The following ESYT3 variants were observed in gnomAD, a reference collection of about 807,000 sequenced individuals.
ESYT3 encodes extended synaptotagmin-3.
Under a neutral mutation model 111.5 loss-of-function variants are expected in ESYT3, and 101 were observed. The ratio of observed to expected loss-of-function variants is 0.91; its 90% CI spans 0.77 to 1.07. The LOEUF (loss-of-function observed/expected upper bound fraction) is 1.07, where lower values mean the gene tolerates loss of function less well. Ranked by LOEUF, ESYT3 falls within the 50% of genes least tolerant of loss-of-function variation. The pLI, the probability that ESYT3 is intolerant of heterozygous loss-of-function variation, is 0.00. For missense variants in ESYT3, 1,097 were observed against 1,109.4 expected, an observed-to-expected ratio of 0.99 and a Z score of 0.16; for synonymous variants, 416 against 446.8, an observed-to-expected ratio of 0.93 and a Z score of 0.87.
At chr3:138,442,859 T>C (rs1421933204) in intron 1 of ESYT3, among the ~76,000 whole-genome samples, 3 of 152,230 alleles carry the variant, frequency 2.0e-5, no homozygotes, top group Non-Finnish European at 4.4e-5. Flanking sequence ...TTTATGAAGA[T>C]TTTTAAAGAC....
At chr3:138,448,914 CTT>C (rs1214912598) in intron 1 of ESYT3, among the ~76,000 whole-genome samples, 1 of 151,926 alleles carries the variant, frequency 6.6e-6, no homozygotes, top group Admixed American at 6.6e-5. Context: ...ATTGAGGTCT[CTT>C]ATTTTCTTGG....
chr3:138,472,321 G>A (rs2033260547), intron 17 of ESYT3, 42 bp from the exon 18 acceptor site: 1 of 1,588,214 alleles, frequency 6.3e-7, no homozygotes, highest in Non-Finnish European at 8.6e-7. Context: ...GGTTGTGGAA[G>A]TGGTGACTCA....
chr3:138,469,314 C>G, intron 14 of ESYT3, 122 bp from the exon 15 acceptor site: 1 of 839,744 alleles, frequency 1.2e-6, no homozygotes, highest in South Asian at 1.6e-5. Flanking sequence ...GTAGCTTTCT[C>G]TCAAAGAGAA....
chr3:138,445,672 G>A (rs1004949231), intron 1 of ESYT3, among the ~76,000 whole-genome samples: 1 of 152,154 alleles, frequency 6.6e-6, no homozygotes, highest in Non-Finnish European at 1.5e-5. Context: ...ACGTACTTGA[G>A]GTCAGAGGGG....
chr3:138,471,158 A>G (rs923677733), intron 17 of ESYT3, 132 bp downstream of exon 17: 15 of 713,088 alleles, frequency 2.1e-5, no homozygotes, highest in Middle Eastern at 4.0e-4. Flanking sequence ...TTTTTCATCA[A>G]TTTTGAAATA....
chr3:138,473,424 A>G (rs1163546999), intron 18 of ESYT3, 112 bp from the exon 19 acceptor site: 24 of 884,676 alleles, frequency 2.7e-5, no homozygotes, highest in Non-Finnish European at 3.9e-5. Context: ...GTGAATTATT[A>G]TCCTACATGG....
chr3:138,438,206 C>T (rs538258896), intron 1 of ESYT3, among the ~76,000 whole-genome samples: 24 of 152,244 alleles, frequency 1.6e-4, no homozygotes, highest in Admixed American at 9.2e-4. Context: ...GATTTCTCTG[C>T]GTGAAAGAGA....
intron 1 of ESYT3, among the ~76,000 whole-genome samples, chr3:138,446,489 A>C (rs1194800816): frequency 6.6e-6 from 1 of 152,240 alleles, no homozygotes; most frequent in African/African-American, 2.4e-5. Context: ...GAAAATATGC[A>C]ACTGGCCAAG....
chr3:138,452,050 C>G lies in ESYT3; in HGVS notation c.330C>G (p.Ile110Met), dbSNP rs772174246. ...ELRGQHLPAW[I>M]HFPDVERVEW... Reference sequence around the variant, plus strand: ...TCCCCTCGGGGCTTCTTTCCTAGATCCACTTCCCGGACGTGGAGCGGGTCG... The same window carrying G: ...TCCCCTCGGGGCTTCTTTCCTAGATGCACTTCCCGGACGTGGAGCGGGTCG... The change falls in exon 2 of 23, where the codon ATC (isoleucine) becomes ATG (methionine). Residue 110 changes from isoleucine to methionine, a missense_variant and splice_region_variant. Ile to Met is a conservative substitution (Grantham distance 10, BLOSUM62 1). Transcript: ENST00000389567. The G allele has an allele frequency of 6.2e-7, 1 of 1,613,534 alleles. No individual in the cohort carries two copies. Among genetic ancestry groups the G allele is most frequent in the Admixed American group, 1.7e-5 (1 of 60,012 alleles).
chr3:138,474,170 G>A (rs771148407), intron 19 of ESYT3, 51 bp from the exon 20 acceptor site: 1 of 1,581,938 alleles, frequency 6.3e-7, no homozygotes, highest in East Asian at 2.2e-5. Context: ...TTCAGTGTTT[G>A]AAAACCAGGG....
Position 138,435,352 on chromosome 3 carries a change from G to C in ESYT3, c.327+227G>C, listed in dbSNP as rs2030577035. Among the ~76,000 whole-genome samples the C allele has an allele frequency of 3.3e-5, 5 of 152,170 alleles. No homozygotes were observed. The highest frequency in any genetic ancestry group is 3.3e-4 in the Admixed American group (5 of 15,284). ...TCCACCTCTGGTCCGACTGCGGTGG[G>C]AGTGGGGAACTTGGGTTTCATTTAA... On this transcript the variant is annotated intron_variant, in intron 1 of 22. Coordinates refer to ENST00000389567, the MANE Select transcript of ESYT3 (RefSeq NM_031913.5). The surrounding 1 kb of genome is among the most constrained non-coding windows in gnomAD (Gnocchi z 4.8).
chr3:138,457,458 A>AGTATGGTG, intron 3 of ESYT3, 110 bp from the exon 4 acceptor site: 1 of 909,664 alleles, frequency 1.1e-6, no homozygotes. Flanking sequence ...TCGTCTTGGA[A>AGTATGGTG]GTATGGTGGT....
Position 138,473,472 on chromosome 3 carries a change from G to A in ESYT3, c.2238-64G>A. On this transcript the variant is annotated intron_variant, in intron 18 of 22. Coordinates refer to ENST00000389567, the MANE Select transcript of ESYT3 (RefSeq NM_031913.5). ...CAAGCAGGAATGCTTCTTTGTCTTT[G>A]GGGGTGGCGGAAGAGGGCCAATGCT... 2.2e-6 allele frequency: 3 copies of A among 1,389,624 alleles called. No homozygotes were observed. The South Asian group carries it at 3.5e-5, about 16-fold the overall frequency. 86.1% of individuals were successfully genotyped at this position (1,389,624 alleles called of 1,614,324 possible).
At chr3:138,480,046 T>C (rs1560255822), downstream of ESYT3, 1 of 152,158 alleles carries the variant, frequency 6.6e-6, no homozygotes. Flanking sequence ...ATAAAGTTGA[T>C]ATATACAACT....
intron 20 of ESYT3, among the ~76,000 whole-genome samples, chr3:138,475,933 A>T (rs1307385125): frequency 6.6e-6 from 1 of 152,228 alleles, no homozygotes; most frequent in Non-Finnish European, 1.5e-5. Context: ...CTCAAAAAGA[A>T]GAGTGGTAGC....
intron 2 of ESYT3, among the ~76,000 whole-genome samples, chr3:138,454,121 G>A (rs1271488576): frequency 6.6e-6 from 1 of 152,230 alleles, no homozygotes; most frequent in Admixed American, 6.5e-5. Flanking sequence ...GGTGGTGCAC[G>A]CATGTAGTCC....
rs752913178 is a variant in ESYT3 at position 138,472,600 on chromosome 3, C to T, written c.1978C>T (p.Gln660Ter). The T allele has an allele frequency of 1.1e-5, 17 of 1,614,108 alleles. No individual in the cohort carries two copies. Among genetic ancestry groups the T allele is most frequent in the Non-Finnish European group, 1.4e-5 (17 of 1,180,058 alleles). ...CACCGTTGCCACTGAGCCCACATCCCAAGAGACAGGCCCAGAGCCTAAAGG... is the reference window on the plus strand; with the variant it reads ...CACCGTTGCCACTGAGCCCACATCCTAAGAGACAGGCCCAGAGCCTAAAGG... ...ATTVATEPTS[Q>*]ETGPEPKGKD... The change falls in exon 18 of 23, where the codon CAA becomes TAA. Residue 660 changes from glutamine to a stop codon, truncating the protein, a stop_gained. Transcript: ENST00000389567. LOFTEE classifies it high-confidence loss of function.
chr3:138,437,773 T>C (rs1195812803), intron 1 of ESYT3, among the ~76,000 whole-genome samples: 1 of 152,062 alleles, frequency 6.6e-6, no homozygotes, highest in Non-Finnish European at 1.5e-5. Context: ...AGTGGGACTT[T>C]AGATGCGTGG....
intron 20 of ESYT3, among the ~76,000 whole-genome samples, chr3:138,475,593 G>C (rs1618357): frequency 6.6e-6 from 1 of 152,072 alleles, no homozygotes; most frequent in Non-Finnish European, 1.5e-5. Context: ...AGGTGGTCCT[G>C]TGAATAGGTA....
Sources: gnomAD v4.1 joint callset for allele counts (sites outside exome capture counted in the v4.1 genomes callset) on GRCh38, gnomAD v4.1.1 for gene constraint, Gnocchi (gnomAD v3.1) non-coding constraint, MANE v1.5 for transcripts, NCBI Gene and HGNC (gene_info 2026-07-23, HGNC 2026-07-21) for gene names.